AMZ1: variants seen among roughly 807,000 people sequenced by gnomAD.
The protein encoded by AMZ1 is archaemetzincin-1.
In AMZ1, 39 loss-of-function variants were observed where a neutral mutation model predicts 29.9. The ratio of observed to expected loss-of-function variants is 1.30; its 90% CI spans 1.01 to 1.70. The LOEUF is 1.70. AMZ1 is among the 40% of genes most tolerant of loss of function. AMZ1 has a pLI of 0.00. For synonymous variants in AMZ1, 458 were observed against 304.0 expected (o/e 1.51, Z -5.27); for missense variants, 1,041 against 680.6 (o/e 1.53, Z -5.89).
At chr7:2,760,791 C>A (rs1050109336), upstream of AMZ1, among the ~76,000 whole-genome samples, 1 of 152,234 alleles carries the variant, frequency 6.6e-6, no homozygotes, top group East Asian at 1.9e-4. Context: ...ACTGCTGGAC[C>A]GTCCCAGCTG....
chr7:2,748,126 C>T (rs1790856687), intron 4 of AMZ1, among the ~76,000 whole-genome samples: 3 of 150,884 alleles, frequency 2.0e-5, no homozygotes, highest in Middle Eastern at 3.2e-3. Flanking sequence ...ATCAAGCTAC[C>T]AATGACTTTC....
Position 2,689,442 on chromosome 7 carries a change from C to G in AMZ1, c.-219+1146C>G, listed in dbSNP as rs371712668. Among the ~76,000 whole-genome samples the G allele has an allele frequency of 5.3e-5, 8 of 152,028 alleles. No homozygotes were observed. The South Asian group carries it at 1.7e-3, about 31-fold the overall frequency. ...AGGCAAGGGGAGGAGGAAGGAGAAG[C>G]GTCTGAGTTTACCCATGGTATTAAT... is the stretch of plus-strand genomic sequence containing the variant. On this transcript the variant is annotated intron_variant, in intron 1 of 6. Transcript: ENST00000683327.
rs879543315 is a variant in AMZ1, at chr7:2,749,316, G to A, written n.551-15396G>A. Reference sequence around the variant, plus strand: ...GAAAATGTGCCACATATACACCATGGAATACTATGGAGCCATAAAAAATGA... The same window carrying A: ...GAAAATGTGCCACATATACACCATGAAATACTATGGAGCCATAAAAAATGA... On this transcript the variant is annotated intron_variant and non_coding_transcript_variant, in intron 4 of 4. Transcript: ENST00000489665. Among the ~76,000 whole-genome samples the A allele has an allele frequency of 1.3e-3, 204 of 152,280 alleles. 1 individual carries two copies. The highest frequency in any genetic ancestry group is 2.4e-3 in the Non-Finnish European group (165 of 68,030).
intron 1 of AMZ1, among the ~76,000 whole-genome samples, chr7:2,691,750 A>AAAAAAAAAG (rs1787403584): frequency 6.6e-6 from 1 of 150,860 alleles, no homozygotes; most frequent in African/African-American, 2.4e-5. Context: ...AAAAAAAAAT[A>AAAAAAAAAG]AGTGATTTTG....
Position 2,714,206 on chromosome 7 carries a change from GGA to G in AMZ1, c.*1334_*1335del, listed in dbSNP as rs1166293192. The G allele has an allele frequency of 6.6e-6, 1 of 152,378 alleles. No individual in the cohort carries two copies. The highest frequency in any genetic ancestry group is 2.4e-5 in the African/African-American group (1 of 41,454). The allele number at this position is 152,378 out of a possible 1,614,324, so 9.4% of individuals were successfully genotyped here. ...GGTCACAGCTCGCGCACCCTCATCT[GGA>G]GAGAGGCAAGAACAGGGCAGCTTGG... On this transcript the variant is annotated 3_prime_UTR_variant, in exon 7 of 7. Transcript: ENST00000683327.
intron 6 of AMZ1, among the ~76,000 whole-genome samples, chr7:2,711,772 C>A (rs187231363): frequency 6.6e-6 from 1 of 151,986 alleles, no homozygotes; most frequent in Non-Finnish European, 1.5e-5. Flanking sequence ...GGGTGGGTGC[C>A]GTGGCTCACA....
At chr7:2,685,214 G>C (rs942562052), upstream of AMZ1, among the ~76,000 whole-genome samples, 4 of 151,888 alleles carry the variant, frequency 2.6e-5, no homozygotes, top group African/African-American at 4.8e-5. Context: ...AGGGGCGTGG[G>C]GGTTGGGGGG....
intron 5 of AMZ1, 127 bp downstream of exon 5, chr7:2,709,371 G>C: frequency 8.9e-7 from 1 of 1,126,346 alleles, no homozygotes; most frequent in Non-Finnish European, 1.2e-6. Context: ...TATGGAATGA[G>C]GAAAGCAAGG....
rs923357370 is a variant in AMZ1 at position 2,718,031 on chromosome 7, G to T, written c.*5153G>T. Among the ~76,000 whole-genome samples the T allele has an allele frequency of 1.1e-4, 16 of 152,184 alleles. No individual in the cohort carries two copies. Among genetic ancestry groups the T allele is most frequent in the Non-Finnish European group, 2.1e-4 (14 of 68,030 alleles). Reference sequence around the variant, plus strand: ...CCACAATGGCCCTCAGAGGGTCCGCGGCAGCCAGGCCCGTCCAACCTCCTG... The same window carrying T: ...CCACAATGGCCCTCAGAGGGTCCGCTGCAGCCAGGCCCGTCCAACCTCCTG... On this transcript the variant is annotated 3_prime_UTR_variant, in exon 7 of 7. Transcript: ENST00000683327.
intron 4 of AMZ1, among the ~76,000 whole-genome samples, chr7:2,750,903 G>A (rs1408323117): frequency 6.6e-6 from 1 of 152,216 alleles, no homozygotes; most frequent in Non-Finnish European, 1.5e-5. Context: ...CGAATGGAAA[G>A]GTGGACAGAT....
At chr7:2,759,140 A>AAAATAAATAAAT (rs3074427) in intron 4 of AMZ1, among the ~76,000 whole-genome samples, 13 of 144,766 alleles carry the variant, frequency 9.0e-5, no homozygotes, top group Admixed American at 2.8e-4. Flanking sequence ...ACACTGTCTC[A>AAAATAAATAAAT]AAATAAATAA....
At position 2,692,020 on chromosome 7, in the gene AMZ1, G is replaced by A. The variant is rs1787419108; in HGVS notation, c.-219+3724G>A. Among the ~76,000 whole-genome samples the A allele has an allele frequency of 2.0e-5, 3 of 152,362 alleles. No individual in the cohort carries two copies. In the South Asian group the frequency reaches 6.2e-4, roughly 32 times the overall value. On this transcript the variant is annotated intron_variant, in intron 1 of 6. Transcript: ENST00000683327. ...TGGGAGGTTATGGTGCTTGCCCCTTGTGGGCGGCAGTGCTGGTGAGTGGAA... is the reference window on the plus strand; with the variant it reads ...TGGGAGGTTATGGTGCTTGCCCCTTATGGGCGGCAGTGCTGGTGAGTGGAA...
upstream of AMZ1, among the ~76,000 whole-genome samples, chr7:2,684,315 C>T (rs1786991325): frequency 6.6e-6 from 1 of 152,120 alleles, no homozygotes; most frequent in Non-Finnish European, 1.5e-5. Context: ...TCTTGAGATC[C>T]TTACTTTAAC....
chr7:2,701,126 G>A (rs1489681917), intron 2 of AMZ1, among the ~76,000 whole-genome samples: 1 of 152,210 alleles, frequency 6.6e-6, no homozygotes, highest in Non-Finnish European at 1.5e-5. Flanking sequence ...AGCTATTCAG[G>A]AGGCTGAGGC....
chr7:2,741,420 G>C (rs965671991), intron 4 of AMZ1, among the ~76,000 whole-genome samples: 1 of 152,158 alleles, frequency 6.6e-6, no homozygotes, highest in African/African-American at 2.4e-5. Flanking sequence ...AGTTTCCAGA[G>C]GCTTCCACCA....
intron 4 of AMZ1, among the ~76,000 whole-genome samples, chr7:2,737,289 G>GTTTTTTTT (rs11389467): frequency 3.7e-4 from 23 of 62,264 alleles, no homozygotes; most frequent in African/African-American, 6.1e-4. Flanking sequence ...TTTTTTTTTT[G>GTTTTTTTT]TTTTTTTTTT....
At chr7:2,699,667 A>T (rs1044027679) in intron 1 of AMZ1, among the ~76,000 whole-genome samples, 4 of 152,006 alleles carry the variant, frequency 2.6e-5, no homozygotes, top group African/African-American at 4.8e-5. Context: ...GGTGAGGAGG[A>T]ATCCCAGATG....
In AMZ1 at chr7:2,709,659, G is replaced by C; in HGVS notation, c.791G>C (p.Cys264Ser). 6.2e-7 allele frequency: 1 copy of C among 1,609,878 alleles called. No individual in the cohort carries two copies. The change falls in exon 6 of 7, where the codon TGC becomes TCC. Residue 264 changes from cysteine (C) to serine (S), a missense_variant. Transcript: ENST00000683327. ...QCCKVTCHEL[C>S]HLLGLGNCRW... ...CCCCAGGTCACGTGCCACGAGCTCT[G>C]CCACCTTCTGGGCCTGGGGAACTGC...
intron 3 of AMZ1, among the ~76,000 whole-genome samples, chr7:2,706,428 A>G (rs531159070): frequency 6.6e-6 from 1 of 152,344 alleles, no homozygotes; most frequent in East Asian, 1.9e-4. Flanking sequence ...CTGCCGTAAC[A>G]AAGTACCACA....
Sources: gnomAD v4.1 joint callset for allele counts (sites outside exome capture counted in the v4.1 genomes callset) on GRCh38, gnomAD v4.1.1 for gene constraint, MANE v1.5 for transcripts, NCBI Gene and HGNC (gene_info 2026-07-23, HGNC 2026-07-21) for gene names.